REPS1: variants seen among roughly 807,000 people sequenced by gnomAD.
The protein encoded by REPS1 is ralBP1-associated Eps domain-containing protein 1.
Under a neutral mutation model 100.9 loss-of-function variants are expected in REPS1, and 39 were observed. The ratio of observed to expected loss-of-function variants is 0.39; its 90% CI spans 0.30 to 0.50. REPS1 has a LOEUF of 0.50. Ranked by LOEUF, REPS1 falls within the 20% of genes least tolerant of loss-of-function variation. The probability of loss-of-function intolerance (pLI) is 0.86; values close to 1 mark genes in which losing one functional copy is unlikely to be tolerated. For missense variants in REPS1, 821 were observed against 968.5 expected (o/e 0.85, Z 2.02); for synonymous variants, 324 against 340.3 (o/e 0.95, Z 0.53).
chr6:138,908,936 CT>C, intron 17 of REPS1, 120 bp from the exon 18 acceptor site: 1 of 870,272 alleles, frequency 1.1e-6, no homozygotes, highest in Non-Finnish European at 1.7e-6. Context: ...GTTACTTGTC[CT>C]ACTTTAAATC....
At chr6:138,946,318 T>C (rs1782611692) in intron 2 of REPS1, among the ~76,000 whole-genome samples, 1 of 152,220 alleles carries the variant, frequency 6.6e-6, no homozygotes, top group Non-Finnish European at 1.5e-5. Context: ...ATGTTTCTCC[T>C]ACAGCCAGAT....
intron 10 of REPS1, among the ~76,000 whole-genome samples, chr6:138,923,878 A>G (rs1355769243): frequency 6.6e-6 from 1 of 152,242 alleles, no homozygotes; most frequent in Non-Finnish European, 1.5e-5. Flanking sequence ...AATATTTCCA[A>G]TACTGTAAGA....
At chr6:138,958,499 C>T (rs1783536024) in intron 1 of REPS1, among the ~76,000 whole-genome samples, 1 of 91,138 alleles carries the variant, frequency 1.1e-5, no homozygotes, top group Non-Finnish European at 1.9e-5. Flanking sequence ...CCTCCCCTCG[C>T]CCCCCACTCC....
At chr6:138,960,527 AT>A (rs1336515034) in intron 1 of REPS1, among the ~76,000 whole-genome samples, 1 of 152,132 alleles carries the variant, frequency 6.6e-6, no homozygotes, top group Non-Finnish European at 1.5e-5. Context: ...AGAAGAGTGT[AT>A]TATTTTACAA....
chr6:138,914,781 C>A lies in REPS1; in HGVS notation c.1721-20G>T. ...GTTGTCCTGCATGAATACAAAAGTT[C>A]TTCTTTTTAGTAACTGTATAATCAC... On this transcript the variant is annotated intron_variant, in intron 14 of 19. Transcript: ENST00000450536. The A allele has an allele frequency of 1.2e-6, 2 of 1,604,256 alleles. No homozygotes were observed. The highest frequency in any genetic ancestry group is 1.7e-6 in the Non-Finnish European group (2 of 1,175,634).
chr6:138,916,647 A>G (rs1780419511), intron 13 of REPS1, among the ~76,000 whole-genome samples: 1 of 152,224 alleles, frequency 6.6e-6, no homozygotes, highest in Non-Finnish European at 1.5e-5. Context: ...GTCTACTTTC[A>G]GATATGGTTA....
At chr6:138,944,905 T>C (rs761323670) in intron 4 of REPS1, among the ~76,000 whole-genome samples, 6 of 152,204 alleles carry the variant, frequency 3.9e-5, no homozygotes, top group Non-Finnish European at 5.9e-5. Flanking sequence ...CAGATACACA[T>C]AAATGCAATT....
chr6:138,970,457 TA>T (rs11420118), intron 1 of REPS1, among the ~76,000 whole-genome samples: 273 of 141,322 alleles, frequency 1.9e-3, no homozygotes, highest in Middle Eastern at 3.5e-3. Flanking sequence ...AAGAATATCT[TA>T]AAAAAAAAAA....
chr6:138,983,131 G>A (rs1345775797), intron 1 of REPS1, among the ~76,000 whole-genome samples: 2 of 152,162 alleles, frequency 1.3e-5, no homozygotes, highest in African/African-American at 4.8e-5. Flanking sequence ...GGAGAGATAC[G>A]AATATTCACA....
At chr6:138,920,366 A>T (rs1780674550) in intron 11 of REPS1, 50 bp from the exon 12 acceptor site, 1 of 923,476 alleles carries the variant, frequency 1.1e-6, no homozygotes, top group South Asian at 1.4e-5. Flanking sequence ...ATTTGAACTG[A>T]TAAACTCATA....
chr6:138,907,378 G>T, intron 19 of REPS1, 117 bp downstream of exon 19: 11 of 490,468 alleles, frequency 2.2e-5, no homozygotes, highest in Non-Finnish European at 3.3e-5. Flanking sequence ...AAAGCATCTA[G>T]AAAATTAGAG....
chr6:138,953,681 CA>C (rs34741005), intron 1 of REPS1, among the ~76,000 whole-genome samples: 49,156 of 126,608 alleles, frequency 0.39, 8,490 homozygotes, highest in African/African-American at 0.51. Context: ...TGGCTATTAT[CA>C]AAAAAAAAAA....
chr6:138,981,757 G>T (rs560275955), intron 1 of REPS1, among the ~76,000 whole-genome samples: 47 of 152,244 alleles, frequency 3.1e-4, no homozygotes, highest in Non-Finnish European at 1.6e-4. Context: ...ATTTGTTCAG[G>T]GTTACAAAGT....
intron 10 of REPS1, among the ~76,000 whole-genome samples, chr6:138,922,036 AAC>A (rs1275410822): frequency 6.6e-6 from 1 of 151,356 alleles, no homozygotes; most frequent in Non-Finnish European, 1.5e-5. Flanking sequence ...CTCTTATAAA[AAC>A]ACAGTTCAAG....
At chr6:138,961,132 T>C (rs1783711744) in intron 1 of REPS1, among the ~76,000 whole-genome samples, 1 of 152,218 alleles carries the variant, frequency 6.6e-6, no homozygotes, top group Non-Finnish European at 1.5e-5. Flanking sequence ...TAAGTACTTC[T>C]CAAGATAGGC....
At chr6:138,975,283 T>C (rs923582696) in intron 1 of REPS1, among the ~76,000 whole-genome samples, 1 of 152,198 alleles carries the variant, frequency 6.6e-6, no homozygotes, top group African/African-American at 2.4e-5. Context: ...AATCATTCTT[T>C]GAGTCCTCTA....
At chr6:138,949,027 C>A (rs1490033022) in intron 1 of REPS1, among the ~76,000 whole-genome samples, 1 of 152,168 alleles carries the variant, frequency 6.6e-6, no homozygotes, top group African/African-American at 2.4e-5. Flanking sequence ...CAGGTTAACA[C>A]CATCAAGGGA....
intron 16 of REPS1, 106 bp from the exon 17 acceptor site, chr6:138,911,477 A>C: frequency 1.3e-6 from 1 of 787,208 alleles, no homozygotes; most frequent in Non-Finnish European, 2.1e-6. Context: ...TTCTGACAAG[A>C]AAACTGAGAT....
intron 1 of REPS1, among the ~76,000 whole-genome samples, chr6:138,951,999 TC>T (rs1783069540): frequency 6.6e-6 from 1 of 152,154 alleles, no homozygotes; most frequent in South Asian, 2.1e-4. Context: ...CCCGAACTGC[TC>T]CCATTAGATT....
Sources: gnomAD v4.1 joint callset for allele counts (sites outside exome capture counted in the v4.1 genomes callset) on GRCh38, gnomAD v4.1.1 for gene constraint, MANE v1.5 for transcripts, NCBI Gene and HGNC (gene_info 2026-07-23, HGNC 2026-07-21) for gene names.